Variants in CAB39L observed in about 807,000 individuals in gnomAD.
The protein encoded by CAB39L is calcium binding protein 39 like.
A neutral mutation model predicts 39.1 loss-of-function variants in CAB39L; 23 were observed. The observed-to-expected ratio is 0.59, with a 90% confidence interval of 0.42 to 0.83. CAB39L has a LOEUF of 0.83. CAB39L is among the 40% of genes least tolerant of loss of function. The pLI is 0.00. For synonymous variants in CAB39L, 126 were observed against 137.2 expected, an observed-to-expected ratio of 0.92 and a Z score of 0.57; for missense variants, 366 against 391.9, an observed-to-expected ratio of 0.93 and a Z score of 0.56.
chr13:49,413,442 G>A (rs1290803683), intron 3 of CAB39L, among the ~76,000 whole-genome samples: 1 of 152,158 alleles, frequency 6.6e-6, no homozygotes, highest in Non-Finnish European at 1.5e-5. Flanking sequence ...TTTGGATATA[G>A]TGAGATAGAA....
At chr13:49,360,432 G>A (rs1955601359) in intron 5 of CAB39L, among the ~76,000 whole-genome samples, 1 of 152,194 alleles carries the variant, frequency 6.6e-6, no homozygotes. Context: ...GAACAGAAGA[G>A]ATCACCGAAT....
At chr13:49,389,668 T>C (rs1021337824) in intron 3 of CAB39L, among the ~76,000 whole-genome samples, 1 of 152,162 alleles carries the variant, frequency 6.6e-6, no homozygotes, top group Non-Finnish European at 1.5e-5. Flanking sequence ...TTAAAATAGA[T>C]TCAAAGCAGA....
chr13:49,383,258 G>GATA (rs760529166), intron 3 of CAB39L, among the ~76,000 whole-genome samples: 10 of 151,802 alleles, frequency 6.6e-5, no homozygotes, highest in African/African-American at 2.4e-4. Context: ...CAAAGAAAGT[G>GATA]ATAATAATAA....
intron 6 of CAB39L, among the ~76,000 whole-genome samples, chr13:49,351,972 T>G (rs573186765): frequency 1.5e-4 from 23 of 152,254 alleles, no homozygotes; most frequent in African/African-American, 5.1e-4. Flanking sequence ...ACCACATTAG[T>G]TTTGAGATGG....
At chr13:49,354,345 T>C (rs1045920939) in intron 6 of CAB39L, among the ~76,000 whole-genome samples, 2 of 152,226 alleles carry the variant, frequency 1.3e-5, no homozygotes, top group Admixed American at 1.3e-4. Context: ...CAGTACTCTT[T>C]AAGTGATTTA....
At chr13:49,416,883 T>A (rs1056690407) in intron 3 of CAB39L, among the ~76,000 whole-genome samples, 8 of 152,204 alleles carry the variant, frequency 5.3e-5, no homozygotes, top group Non-Finnish European at 1.0e-4. Context: ...AGGTAAGATG[T>A]AAGAGAAGGT....
intron 1 of CAB39L, among the ~76,000 whole-genome samples, chr13:49,443,280 C>G (rs1304188499): frequency 6.6e-6 from 1 of 151,198 alleles, no homozygotes; most frequent in Non-Finnish European, 1.5e-5. Flanking sequence ...CAAGATTTGA[C>G]AAAATTCTTC....
chr13:49,418,507 T>G (rs1957120330), intron 3 of CAB39L, among the ~76,000 whole-genome samples: 1 of 152,216 alleles, frequency 6.6e-6, no homozygotes, highest in Non-Finnish European at 1.5e-5. Flanking sequence ...ACTTGTACAC[T>G]TCAATGGGTG....
chr13:49,436,526 A>C (rs1233021924), intron 1 of CAB39L, among the ~76,000 whole-genome samples: 2 of 141,484 alleles, frequency 1.4e-5, no homozygotes, highest in Non-Finnish European at 3.1e-5. Flanking sequence ...TGTACCTTGG[A>C]ATTTAGCTTC....
intron 3 of CAB39L, among the ~76,000 whole-genome samples, chr13:49,396,025 G>A (rs1308948673): frequency 2.0e-5 from 3 of 150,874 alleles, no homozygotes; most frequent in African/African-American, 7.4e-5. Flanking sequence ...AACACTTTGG[G>A]AGGTCAAGGC....
rs965151277 is a variant in CAB39L, at chr13:49,310,317, C to T, written c.*497G>A. ...GAGGTGTGGATGCACTGATTACAGT[C>T]CAAAGACATTGGCAGCAACAAAGGA... On this transcript the variant is annotated 3_prime_UTR_variant, in exon 11 of 11. Transcript: ENST00000409308. 6.5e-5 allele frequency: 10 copies of T among 154,742 alleles called. No individual in the cohort carries two copies. The highest frequency in any genetic ancestry group is 1.9e-4 in the Admixed American group (3 of 15,756). The allele number at this position is 154,742 out of a possible 1,614,324, so 9.6% of individuals were successfully genotyped here.
intron 3 of CAB39L, among the ~76,000 whole-genome samples, chr13:49,415,594 C>T (rs1382215464): frequency 2.0e-5 from 3 of 152,026 alleles, no homozygotes; most frequent in African/African-American, 7.2e-5. Context: ...ATACACTCTA[C>T]ACTATGGTAC....
At chr13:49,422,232 T>C (rs9562879) in intron 3 of CAB39L, among the ~76,000 whole-genome samples, 85,946 of 151,840 alleles carry the variant, frequency 0.57, 24,381 homozygotes, top group East Asian at 0.63. Context: ...AAGGAAAGAG[T>C]TAAGTATTTC....
intron 5 of CAB39L, among the ~76,000 whole-genome samples, chr13:49,368,510 G>T (rs1003542682): frequency 6.6e-6 from 1 of 152,040 alleles, no homozygotes; most frequent in African/African-American, 2.4e-5. Context: ...CAGGCTGCCA[G>T]ATCTCAAGCC....
chr13:49,390,745 G>A (rs1956471538), intron 3 of CAB39L, among the ~76,000 whole-genome samples: 1 of 152,008 alleles, frequency 6.6e-6, no homozygotes, highest in South Asian at 2.1e-4. Context: ...TTGGTAGAAG[G>A]GTATAGAATT....
At chr13:49,389,745 A>T (rs1956447406) in intron 3 of CAB39L, among the ~76,000 whole-genome samples, 1 of 152,300 alleles carries the variant, frequency 6.6e-6, no homozygotes, top group East Asian at 1.9e-4. Context: ...TTTTTATTCC[A>T]GTTTATACTT....
At position 49,382,860 on chromosome 13, in the gene CAB39L, A is replaced by G; in HGVS notation, c.51T>C (p.Ile17=). 1 of 1,611,698 alleles carries G rather than the reference A, an allele frequency of 6.2e-7. No homozygotes were observed. Among genetic ancestry groups the G allele is most frequent in the Non-Finnish European group, 8.5e-7 (1 of 1,179,070 alleles). ...FSKSHKNPAE[I]VKILKDNLAI... is the part of the protein sequence containing the mutation. ...CCAAATTGTCTTTCAGGATTTTCAC[A>G]ATTTCTGCTGGATTTTTGTGTGATT... Residue 17 remains isoleucine (I), a synonymous_variant, in exon 4 of 11, where the codon ATT becomes ATC. Coordinates refer to ENST00000409308, the MANE Select transcript of CAB39L (RefSeq NM_001079670.3).
At chr13:49,441,347 G>A (rs1482140885) in intron 1 of CAB39L, among the ~76,000 whole-genome samples, 1 of 151,592 alleles carries the variant, frequency 6.6e-6, no homozygotes, top group Non-Finnish European at 1.5e-5. Flanking sequence ...AGCCAAAGCA[G>A]GAGGATCACT....
chr13:49,327,014 G>C (rs530329190), intron 10 of CAB39L, among the ~76,000 whole-genome samples: 1 of 152,122 alleles, frequency 6.6e-6, no homozygotes, highest in Admixed American at 6.5e-5. Context: ...CAGGCCTACA[G>C]CACTCTATTT....
Sources: allele counts gnomAD v4.1 joint callset (sites outside exome capture counted in the v4.1 genomes callset), GRCh38; gene constraint gnomAD v4.1.1; transcripts MANE v1.5; gene names NCBI Gene and HGNC (gene_info 2026-07-23, HGNC 2026-07-21).